NPL: variants seen among roughly 807,000 people sequenced by gnomAD.
The protein encoded by NPL is N-acetylneuraminate pyruvate lyase.
In NPL, 32 loss-of-function variants were observed where a neutral mutation model predicts 41.1. That is an observed-to-expected ratio of 0.78 (90% CI 0.59 to 1.05). NPL has a LOEUF of 1.05. Ranked by LOEUF, NPL falls within the 50% of genes least tolerant of loss-of-function variation. The pLI is 0.00. For synonymous variants in NPL, 128 were observed against 134.9 expected, an observed-to-expected ratio of 0.95 and a Z score of 0.35; for missense variants, 321 against 378.4, an observed-to-expected ratio of 0.85 and a Z score of 1.26.
At chr1:182,794,501 C>T in intron 3 of NPL, 62 bp downstream of exon 3, 1 of 1,517,868 alleles carries the variant, frequency 6.6e-7, no homozygotes, top group Non-Finnish European at 9.2e-7. Context: ...GAGAGAAGTT[C>T]TTTGTAACAA....
rs1386019405 is a variant in NPL at position 182,814,928 on chromosome 1, T to C, written c.364+70T>C. On this transcript the variant is annotated intron_variant, in intron 7 of 12. Transcript: ENST00000367553. ...TCTTCTTGCCTCCATTCAAAATGGT[T>C]ATATTTAATTTGTGAAAGTAAAGCA... 6 of 1,259,424 alleles carry C rather than the reference T, an allele frequency of 4.8e-6. No homozygotes were observed. In the East Asian group the frequency reaches 1.2e-4, roughly 24 times the overall value. The allele number at this position is 1,259,424 out of a possible 1,614,324, so 78.0% of individuals were successfully genotyped here. A position where few individuals can be genotyped will look rare whatever the true frequency, so the allele number is the denominator to read the frequency against.
intron 1 of NPL, among the ~76,000 whole-genome samples, chr1:182,790,736 C>A (rs1666487160): frequency 6.6e-6 from 1 of 152,170 alleles, no homozygotes; most frequent in South Asian, 2.1e-4. Context: ...CTCCACCTCC[C>A]AGGTTCACGC....
chr1:182,818,907 G>A (rs761636914), intron 10 of NPL, 48 bp downstream of exon 10: 1 of 1,498,136 alleles, frequency 6.7e-7, no homozygotes, highest in Non-Finnish European at 9.3e-7. Context: ...CCCCATAAAG[G>A]CATTCATCAC....
chr1:182,813,347 T>G (rs1246001672), intron 6 of NPL, among the ~76,000 whole-genome samples: 2 of 152,168 alleles, frequency 1.3e-5, no homozygotes, highest in Non-Finnish European at 2.9e-5. Context: ...AGAAATGGGA[T>G]GTATAATATA....
At chr1:182,817,709 C>G (rs1212321926) in intron 8 of NPL, among the ~76,000 whole-genome samples, 2 of 152,194 alleles carry the variant, frequency 1.3e-5, no homozygotes, top group African/African-American at 4.8e-5. Context: ...GTTTACAGAA[C>G]TCAAACACTT....
intron 3 of NPL, among the ~76,000 whole-genome samples, chr1:182,797,761 T>C (rs1162428560): frequency 6.6e-6 from 1 of 152,170 alleles, no homozygotes; most frequent in East Asian, 1.9e-4. Context: ...GCATCAGAAT[T>C]ATTTGTTTAT....
At chr1:182,819,336 C>T (rs1431745889) in intron 10 of NPL, among the ~76,000 whole-genome samples, 1 of 152,060 alleles carries the variant, frequency 6.6e-6, no homozygotes, top group Non-Finnish European at 1.5e-5. Context: ...ATCCCAGCTA[C>T]TTGGGAGGCT....
chr1:182,816,280 G>A (rs927545706), intron 7 of NPL, among the ~76,000 whole-genome samples: 6 of 152,194 alleles, frequency 3.9e-5, no homozygotes, highest in African/African-American at 1.4e-4. Context: ...TTTCCCTCTT[G>A]AAGCAGATAT....
At chr1:182,820,256 C>T (rs1667452694) in intron 10 of NPL, among the ~76,000 whole-genome samples, 1 of 152,286 alleles carries the variant, frequency 6.6e-6, no homozygotes, top group Non-Finnish European at 1.5e-5. Context: ...ACATGTTAAC[C>T]TGATTCATAA....
intron 4 of NPL, 22 bp from the exon 5 acceptor site, chr1:182,806,123 G>A: frequency 6.2e-7 from 1 of 1,614,070 alleles, no homozygotes; most frequent in Admixed American, 1.7e-5. Flanking sequence ...TGGTCCTGCT[G>A]ACTTACTCTT....
chr1:182,802,772 A>AT, intron 3 of NPL, among the ~76,000 whole-genome samples: 1 of 152,354 alleles, frequency 6.6e-6, no homozygotes, highest in South Asian at 2.1e-4. Flanking sequence ...TGAAATCAAT[A>AT]TGATTTTAAG....
Position 182,789,799 on chromosome 1 carries a change from G to A in NPL, c.-78G>A, listed in dbSNP as rs991456466. On this transcript the variant is annotated 5_prime_UTR_variant, in exon 1 of 13. Transcript: ENST00000367553. Reference sequence around the variant, plus strand: ...GAGCGGCTGCACGGACAAGAGCGGAGGCCTGGGTGAGCGCGGCCCGCGACG... The same window carrying A: ...GAGCGGCTGCACGGACAAGAGCGGAAGCCTGGGTGAGCGCGGCCCGCGACG... 3 of 152,646 alleles carry A rather than the reference G, an allele frequency of 2.0e-5. No individual in the cohort carries two copies. Among genetic ancestry groups the A allele is most frequent in the Non-Finnish European group, 4.4e-5 (3 of 68,394 alleles). 9.5% of individuals were successfully genotyped at this position (152,646 alleles called of 1,614,324 possible). A position where few individuals can be genotyped will look rare whatever the true frequency, so the allele number is the denominator to read the frequency against.
intron 5 of NPL, among the ~76,000 whole-genome samples, chr1:182,807,604 T>C (rs1000082819): frequency 1.4e-4 from 21 of 150,766 alleles, no homozygotes; most frequent in Non-Finnish European, 2.5e-4. Flanking sequence ...TGGCCGGGCA[T>C]GGTGGCTCAT....
In NPL at chr1:182,829,066, C is replaced by G; in HGVS notation, c.*158C>G. On this transcript the variant is annotated 3_prime_UTR_variant, in exon 13 of 13. Transcript: ENST00000367553. ...GTACCTTTTGTGAGCCTTAAAAAGT[C>G]TTATTTTGTGAAGGGGCAAAAACTC... is the stretch of plus-strand genomic sequence containing the variant. 1.4e-6 allele frequency: 2 copies of G among 1,456,000 alleles called. No individual in the cohort carries two copies. The highest frequency in any genetic ancestry group is 1.8e-6 in the Non-Finnish European group (2 of 1,111,814). The allele number at this position is 1,456,000 out of a possible 1,614,324, so 90.2% of individuals were successfully genotyped here. A position where few individuals can be genotyped will look rare whatever the true frequency, so the allele number is the denominator to read the frequency against.
chr1:182,809,411 G>A (rs779357739), intron 5 of NPL: 12 of 280,384 alleles, frequency 4.3e-5, no homozygotes, highest in Non-Finnish European at 7.2e-5. Flanking sequence ...ATGGTGGCAG[G>A]TACCTGTAAT....
Position 182,794,532 on chromosome 1 carries a change from CCTCTGTAGAA to C in NPL, c.68+96_68+105del. 4 of 1,273,004 alleles carry C rather than the reference CCTCTGTAGAA, an allele frequency of 3.1e-6. No homozygotes were observed. The South Asian group carries it at 4.8e-5, about 15-fold the overall frequency. The allele number at this position is 1,273,004 out of a possible 1,614,324, so 78.9% of individuals were successfully genotyped here. A position where few individuals can be genotyped will look rare whatever the true frequency, so the allele number is the denominator to read the frequency against. On this transcript the variant is annotated intron_variant, in intron 3 of 12. Coordinates refer to ENST00000367553, the MANE Select transcript of NPL (RefSeq NM_030769.3). ...AACAACAGTCACTTAAGACCCTGCA[CCTCTGTAGAA>C]CTGTTGCCAAAAGGCAGCTTCTGTC... is the stretch of plus-strand genomic sequence containing the variant.
intron 10 of NPL, among the ~76,000 whole-genome samples, chr1:182,820,092 T>C (rs992783635): frequency 6.6e-6 from 1 of 152,266 alleles, no homozygotes; most frequent in Non-Finnish European, 1.5e-5. Context: ...TGCTTTAGCA[T>C]GCACATGGCC....
At chr1:182,823,942 G>A (rs1362917763) in intron 11 of NPL, among the ~76,000 whole-genome samples, 1 of 152,208 alleles carries the variant, frequency 6.6e-6, no homozygotes, top group Non-Finnish European at 1.5e-5. Flanking sequence ...TCTTAAGAAA[G>A]CACGTGTGAG....
chr1:182,818,688 A>G lies in NPL; in HGVS notation c.605A>G (p.Glu202Gly), dbSNP rs1243456457. The G allele has an allele frequency of 2.5e-6, 4 of 1,614,166 alleles. No individual in the cohort carries two copies. The highest frequency in any genetic ancestry group is 3.4e-6 in the Non-Finnish European group (4 of 1,180,020). Residue 202 changes from glutamate to glycine, a missense_variant and splice_region_variant, in exon 9 of 13, where the codon GAG becomes GGG. Glu to Gly is a moderately conservative substitution (Grantham distance 98). Transcript: ENST00000367553. Reference sequence around the variant, plus strand: ...TTTGCTTTCCTTTTTGGGGTGGATGAGGTAAGTCACCCCCTAGCATGTTGC... The same window carrying G: ...TTTGCTTTCCTTTTTGGGGTGGATGGGGTAAGTCACCCCCTAGCATGTTGC... ...QQFAFLFGVD[E>G]QLLSALVMGA...
Sources: allele counts gnomAD v4.1 joint callset (sites outside exome capture counted in the v4.1 genomes callset), GRCh38; gene constraint gnomAD v4.1.1; transcripts MANE v1.5; gene names NCBI Gene and HGNC (gene_info 2026-07-23, HGNC 2026-07-21).